Variants in NPAT observed in about 807,000 individuals in gnomAD.
NPAT encodes the protein nuclear protein, coactivator of histone transcription.
Under a neutral mutation model 130.7 loss-of-function variants are expected in NPAT, and 52 were observed. The observed-to-expected ratio is 0.40, with a 90% CI of 0.32 to 0.50. The LOEUF is 0.50. Ranked by LOEUF, NPAT falls within the 20% of genes least tolerant of loss-of-function variation. The probability of loss-of-function intolerance (pLI) is 0.68; values close to 1 mark genes in which losing one functional copy is unlikely to be tolerated. For synonymous variants in NPAT, 580 were observed against 584.8 expected (o/e 0.99, Z 0.12); for missense variants, 1,687 against 1,662.6 (o/e 1.01, Z -0.26).
At chr11:108,176,756 A>G (rs762774939) in intron 11 of NPAT, among the ~76,000 whole-genome samples, 10 of 152,200 alleles carry the variant, frequency 6.6e-5, no homozygotes, top group Admixed American at 2.0e-4. Flanking sequence ...ACATTCCCTG[A>G]TGACTGGCAA....
chr11:108,198,867 G>C (rs2078248798), intron 1 of NPAT, among the ~76,000 whole-genome samples: 1 of 152,142 alleles, frequency 6.6e-6, no homozygotes, highest in Non-Finnish European at 1.5e-5. Flanking sequence ...TCACTCCCCA[G>C]TGTCCACATA....
Position 108,206,531 on chromosome 11 carries a change from G to T in NPAT, c.38-9111C>A, listed in dbSNP as rs1045120092. 2.6e-5 allele frequency among the ~76,000 whole-genome samples: 4 copies of T among 152,256 alleles called. No homozygotes were observed. In the South Asian group the frequency reaches 6.2e-4, roughly 24 times the overall value. On this transcript the variant is annotated intron_variant, in intron 1 of 17. Transcript: ENST00000278612. The stretch of plus-strand genomic sequence containing the variant: ...CATACCACAGTGGCTTCCACTGTGG[G>T]TACTGGGGAACGTAGTGGCACCCTG...
Position 108,173,505 on chromosome 11 carries a change from A to C in NPAT, c.1479T>G (p.Asn493Lys). ...IGIEKNSLSS[N>K]VPSESQLQPD... is the part of the protein sequence containing the mutation. The stretch of plus-strand genomic sequence containing the variant: ...GCTGTAACTGAGATTCACTCGGTAC[A>C]TTTGAAGACAAAGAGTTCTTTTCAA... The change falls in exon 13 of 18, where the codon AAT (asparagine) becomes AAG (lysine). Residue 493 changes from asparagine to lysine, a missense_variant. By Grantham distance (94) the Asn-to-Lys change is moderately conservative. Coordinates refer to ENST00000278612, the MANE Select transcript of NPAT (RefSeq NM_002519.3). 6.2e-7 allele frequency: 1 copy of C among 1,614,188 alleles called. No homozygotes were observed. The highest frequency in any genetic ancestry group is 8.5e-7 in the Non-Finnish European group (1 of 1,180,014).
intron 15 of NPAT, 46 bp downstream of exon 15, chr11:108,169,698 G>T: frequency 7.6e-7 from 1 of 1,318,068 alleles, no homozygotes; most frequent in Non-Finnish European, 1.1e-6. Flanking sequence ...GCAAACAAAT[G>T]AACATACAAA....
At position 108,172,909 on chromosome 11, in the gene NPAT, C is replaced by T; in HGVS notation, c.2075G>A (p.Gly692Asp). ...AGAGTGACTGTTTTCTACAGGAGTG[C>T]CTTCTGGAGGCGTCAGTGCAACTTT... ...CEKVALTPPE[G>D]TPVENSHSLP... Residue 692 changes from glycine to aspartate, a missense_variant, in exon 13 of 18, where the codon GGC (glycine) becomes GAC (aspartate). By Grantham distance (94) the Gly-to-Asp change is moderately conservative (BLOSUM62 -1). Coordinates refer to ENST00000278612, the MANE Select transcript of NPAT (RefSeq NM_002519.3). 1 of 1,614,094 alleles carries T rather than the reference C, an allele frequency of 6.2e-7. No homozygotes were observed. Among genetic ancestry groups the T allele is most frequent in the South Asian group, 1.1e-5 (1 of 91,082 alleles).
chr11:108,180,352 T>C (rs1416904706), intron 10 of NPAT, among the ~76,000 whole-genome samples: 2 of 152,156 alleles, frequency 1.3e-5, no homozygotes, highest in Non-Finnish European at 2.9e-5. Flanking sequence ...TCACATAATA[T>C]ATAAGAATTC....
Position 108,166,405 on chromosome 11 carries a change from A to T in NPAT, c.3010+3339T>A, listed in dbSNP as rs190208753. ...AGACTCCCATCTAAAAAAAAATAAA[A>T]AAATAAATAAATCCTTTATCCTAAT... On this transcript the variant is annotated intron_variant, in intron 15 of 17. Coordinates refer to ENST00000278612, the MANE Select transcript of NPAT (RefSeq NM_002519.3). Among the ~76,000 whole-genome samples, 456 of 152,264 alleles carry T rather than the reference A, an allele frequency of 3.0e-3. 1 individual carries two copies. Among genetic ancestry groups the T allele is most frequent in the African/African-American group, 9.9e-3 (411 of 41,554 alleles).
Position 108,161,805 on chromosome 11 carries a change from G to A in NPAT, c.3281C>T (p.Ser1094Phe), listed in dbSNP as rs918026036. The A allele has an allele frequency of 3.7e-6, 6 of 1,613,942 alleles. No homozygotes were observed. In the South Asian group the frequency reaches 6.6e-5, roughly 18 times the overall value. ...VSQNKERNAV[S>F]FPNLDSPNVS... ...ATTGGGTGAGTCAAGATTAGGAAAA[G>A]AGACTGCATTCCTTTCTTTGTTTTG... The change falls in exon 17 of 18, where the codon TCT (serine) becomes TTT (phenylalanine). Residue 1094 changes from serine to phenylalanine, a missense_variant. This residue lies in a region of NPAT where 1,379 missense variants were observed against 1,346.6 expected (regional missense o/e 1.02). Coordinates refer to ENST00000278612, the MANE Select transcript of NPAT (RefSeq NM_002519.3).
At position 108,220,236 on chromosome 11, in the gene NPAT, T is replaced by C. The variant is rs184182094; in HGVS notation, c.37+2264A>G. On this transcript the variant is annotated intron_variant, in intron 1 of 17. Coordinates refer to ENST00000278612, the MANE Select transcript of NPAT (RefSeq NM_002519.3). ...GGCAATAAGGGCTACTTAAGTGGAG[T>C]AGTGAGATGCAAAAGTCAGAGTGCA... Among the ~76,000 whole-genome samples, 628 of 151,914 alleles carry C rather than the reference T, an allele frequency of 4.1e-3. 1 individual carries two copies. Among genetic ancestry groups the C allele is most frequent in the Middle Eastern group, 0.017 (5 of 292 alleles).
chr11:108,205,516 C>A (rs1271380924), intron 1 of NPAT, among the ~76,000 whole-genome samples: 1 of 152,160 alleles, frequency 6.6e-6, no homozygotes, highest in Non-Finnish European at 1.5e-5. Context: ...GATCCTCCCA[C>A]CTTGGCCCCC....
At chr11:108,207,673 G>A (rs780040830) in intron 1 of NPAT, among the ~76,000 whole-genome samples, 1 of 152,240 alleles carries the variant, frequency 6.6e-6, no homozygotes, top group African/African-American at 2.4e-5. Flanking sequence ...CGGGAGCAGG[G>A]AGAGGCCAGG....
In NPAT at chr11:108,158,531, G is replaced by A. The variant is rs2077816038; in HGVS notation, c.*411C>T. 3 of 163,100 alleles carry A rather than the reference G, an allele frequency of 1.8e-5. No homozygotes were observed. The highest frequency in any genetic ancestry group is 6.1e-5 in the Admixed American group (1 of 16,436). The allele number at this position is 163,100 out of a possible 1,614,324, so 10.1% of individuals were successfully genotyped here. ...TACTGAAGGTAATTTATAAGAATAAGCATCATTTTCCTCCAAAACAAGTGA... is the reference window on the plus strand; with the variant it reads ...TACTGAAGGTAATTTATAAGAATAAACATCATTTTCCTCCAAAACAAGTGA... On this transcript the variant is annotated 3_prime_UTR_variant, in exon 18 of 18. Transcript: ENST00000278612.
Position 108,172,521 on chromosome 11 carries a change from G to T in NPAT, c.2463C>A (p.Asp821Glu). The T allele has an allele frequency of 1.2e-6, 2 of 1,614,202 alleles. No individual in the cohort carries two copies. Among genetic ancestry groups the T allele is most frequent in the South Asian group, 2.2e-5 (2 of 91,080 alleles). The change falls in exon 13 of 18, where the codon GAC becomes GAA. Residue 821 changes from aspartate to glutamate, a missense_variant. Around this residue, in one of 3 missense-constraint regions of NPAT, gnomAD observed 1,379 missense variants for 1,346.6 expected, o/e 1.02. Coordinates refer to ENST00000278612, the MANE Select transcript of NPAT (RefSeq NM_002519.3). Reference sequence around the variant, plus strand: ...CATTCTGAGTATTGTTTACTGCAGAGTCTTCAGATTTGAATGTTAAAAGAC... The same window carrying T: ...CATTCTGAGTATTGTTTACTGCAGATTCTTCAGATTTGAATGTTAAAAGAC... ...EQSLLTFKSE[D>E]SAVNNTQNED...
Position 108,172,925 on chromosome 11 carries a change from G to C in NPAT, c.2059C>G (p.Leu687Val), listed in dbSNP as rs779441216. The C allele has an allele frequency of 2.5e-6, 4 of 1,614,146 alleles. No homozygotes were observed. The highest frequency in any genetic ancestry group is 2.5e-6 in the Non-Finnish European group (3 of 1,180,014). ...GGNANCEKVA[L>V]TPPEGTPVEN... Reference sequence around the variant, plus strand: ...ACAGGAGTGCCTTCTGGAGGCGTCAGTGCAACTTTCTCACAGTTAGCATTT... The same window carrying C: ...ACAGGAGTGCCTTCTGGAGGCGTCACTGCAACTTTCTCACAGTTAGCATTT... The change falls in exon 13 of 18, where the codon CTG (leucine) becomes GTG (valine). Residue 687 changes from leucine (L) to valine (V), a missense_variant. By Grantham distance (32) the Leu-to-Val change is conservative. Coordinates refer to ENST00000278612, the MANE Select transcript of NPAT (RefSeq NM_002519.3).
chr11:108,173,593 T>C lies in NPAT; in HGVS notation c.1391A>G (p.Asn464Ser). 1 of 1,614,170 alleles carries C rather than the reference T, an allele frequency of 6.2e-7. No individual in the cohort carries two copies. The highest frequency in any genetic ancestry group is 8.5e-7 in the Non-Finnish European group (1 of 1,180,032). ...NQRGNSNAEC[N>S]PHCAELYTNQ... is the part of the protein sequence containing the mutation. ...GGTGTATAATTCAGCACAATGTGGA[T>C]TACATTCAGCATTAGAATTCCCTCT... Residue 464 changes from asparagine to serine, a missense_variant, in exon 13 of 18, where the codon AAT becomes AGT. By Grantham distance (46) the Asn-to-Ser change is conservative. Transcript: ENST00000278612.
intron 1 of NPAT, among the ~76,000 whole-genome samples, chr11:108,201,797 T>A (rs2078277486): frequency 6.6e-6 from 1 of 152,202 alleles, no homozygotes. Flanking sequence ...CAGTTAAGAA[T>A]CTGTCCTTCC....
At position 108,161,634 on chromosome 11, in the gene NPAT, G is replaced by C; in HGVS notation, c.3452C>G (p.Ser1151Ter). The change falls in exon 17 of 18, where the codon TCA becomes TGA. Residue 1151 changes from serine (S) to a stop codon, truncating the protein, a stop_gained. Transcript: ENST00000278612. LOFTEE classifies it high-confidence loss of function. ...AGATTCAAGCACAATTTCTGTTGGTGAAACTTTCTTTTCTGATTGAGTTTC... is the reference window on the plus strand; with the variant it reads ...AGATTCAAGCACAATTTCTGTTGGTCAAACTTTCTTTTCTGATTGAGTTTC... Reference protein sequence around the residue: ...IRETQSEKKVSPTEIVLESFH... With the variant: ...IRETQSEKKV 6.2e-7 allele frequency: 1 copy of C among 1,614,102 alleles called. No homozygotes were observed. Among genetic ancestry groups the C allele is most frequent in the Non-Finnish European group, 8.5e-7 (1 of 1,180,042 alleles).
intron 1 of NPAT, among the ~76,000 whole-genome samples, chr11:108,203,512 T>C (rs1333697932): frequency 6.6e-6 from 1 of 152,208 alleles, no homozygotes; most frequent in Non-Finnish European, 1.5e-5. Context: ...GAATTATCTC[T>C]GTTGACCTGT....
intron 4 of NPAT, 68 bp from the exon 5 acceptor site, chr11:108,190,568 TAC>T (rs767423451): frequency 1.1e-5 from 16 of 1,396,990 alleles, no homozygotes; most frequent in Non-Finnish European, 1.5e-5. Context: ...ATGATTTAGT[TAC>T]AGTCAGACCT....
Sources: allele counts gnomAD v4.1 joint callset (sites outside exome capture counted in the v4.1 genomes callset), GRCh38; gene constraint gnomAD v4.1.1; regional missense constraint gnomAD v4.1.1; transcripts MANE v1.5; gene names NCBI Gene and HGNC (gene_info 2026-07-23, HGNC 2026-07-21).